Variants in STXBP6 observed in about 807,000 individuals in gnomAD.
STXBP6 encodes syntaxin binding protein 6, also known as syntaxin-binding protein 6.
STXBP6 carries 21 observed loss-of-function variants against 26.9 expected under a neutral mutation model. The ratio of observed to expected loss-of-function variants is 0.78; its 90% CI spans 0.55 to 1.12. The LOEUF (loss-of-function observed/expected upper bound fraction) is 1.12. Among genes scored for constraint, STXBP6 ranks in the 50% most tolerant of loss-of-function variants. STXBP6 has a pLI of 0.00. For synonymous variants in STXBP6, 97 were observed against 92.6 expected (o/e 1.05, Z -0.27); for missense variants, 232 against 257.9 (o/e 0.90, Z 0.69).
intron 1 of STXBP6, among the ~76,000 whole-genome samples, chr14:25,021,167 G>C (rs2075255852): frequency 6.6e-6 from 1 of 152,080 alleles, no homozygotes; most frequent in African/African-American, 2.4e-5. Flanking sequence ...CCCACCATCA[G>C]ACTAATTTAC....
intron 1 of STXBP6, among the ~76,000 whole-genome samples, chr14:25,038,971 A>G (rs1386162929): frequency 6.6e-6 from 1 of 152,216 alleles, no homozygotes; most frequent in East Asian, 1.9e-4. Flanking sequence ...TAGTTGACAT[A>G]GTGTATTCTA....
At chr14:24,858,041 A>C (rs1566417382) in intron 2 of STXBP6, among the ~76,000 whole-genome samples, 1 of 152,194 alleles carries the variant, frequency 6.6e-6, no homozygotes, top group East Asian at 1.9e-4. Context: ...TACAGAAAGT[A>C]GAAATCATTA....
intron 1 of STXBP6, among the ~76,000 whole-genome samples, chr14:24,985,975 G>A (rs565966308): frequency 1.0e-3 from 157 of 152,224 alleles, no homozygotes; most frequent in African/African-American, 3.6e-3. Flanking sequence ...TATTGCTCTC[G>A]ACTTTTTTAA....
chr14:25,019,999 T>C (rs1480305853), intron 1 of STXBP6, among the ~76,000 whole-genome samples: 3 of 151,730 alleles, frequency 2.0e-5, no homozygotes, highest in South Asian at 2.1e-4. Context: ...ATATAAACTA[T>C]AGACTGATGG....
chr14:24,998,640 T>G (rs2074670172), intron 1 of STXBP6, among the ~76,000 whole-genome samples: 1 of 152,170 alleles, frequency 6.6e-6, no homozygotes, highest in Non-Finnish European at 1.5e-5. Flanking sequence ...CTGTTAGAAC[T>G]CATAAATTTG....
At chr14:24,850,021 A>AC (rs1204387592) in intron 4 of STXBP6, among the ~76,000 whole-genome samples, 8 of 152,058 alleles carry the variant, frequency 5.3e-5, no homozygotes. Flanking sequence ...CAGAAGGAAA[A>AC]ATAACATAAA....
At chr14:25,021,377 T>A (rs1484180151) in intron 1 of STXBP6, among the ~76,000 whole-genome samples, 1 of 152,220 alleles carries the variant, frequency 6.6e-6, no homozygotes, top group African/African-American at 2.4e-5. Flanking sequence ...CACTTCAGCA[T>A]ACTCAAGTCC....
intron 2 of STXBP6, among the ~76,000 whole-genome samples, chr14:24,937,122 C>T (rs952304926): frequency 1.3e-5 from 2 of 152,190 alleles, no homozygotes; most frequent in South Asian, 2.1e-4. Context: ...GGGAACATCA[C>T]ACACCAGGGC....
intron 1 of STXBP6, among the ~76,000 whole-genome samples, chr14:24,996,024 T>C (rs1359618016): frequency 1.3e-5 from 2 of 152,208 alleles, no homozygotes; most frequent in African/African-American, 2.4e-5. Context: ...AGATTTACTA[T>C]ATAAATTGTA....
chr14:24,928,783 T>A (rs1350064970), intron 2 of STXBP6, among the ~76,000 whole-genome samples: 1 of 152,132 alleles, frequency 6.6e-6, no homozygotes. Flanking sequence ...CTTGAGACCA[T>A]GCACCCTCAG....
chr14:24,902,925 AG>A (rs2071263908), intron 2 of STXBP6, among the ~76,000 whole-genome samples: 1 of 152,174 alleles, frequency 6.6e-6, no homozygotes, highest in African/African-American at 2.4e-5. Context: ...GGTGATCCAT[AG>A]AATTTTACCA....
intron 5 of STXBP6, 60 bp downstream of exon 5, chr14:24,818,977 C>A (rs2068060903): frequency 2.0e-6 from 3 of 1,500,326 alleles, no homozygotes; most frequent in Non-Finnish European, 2.7e-6. Context: ...AATAAAGTTT[C>A]TTGGCACTGT....
At chr14:25,033,149 G>A (rs571951285) in intron 1 of STXBP6, among the ~76,000 whole-genome samples, 5 of 152,282 alleles carry the variant, frequency 3.3e-5, no homozygotes, top group African/African-American at 7.2e-5. Context: ...GAGGCATGAC[G>A]GTCCATGCAA....
At chr14:24,940,770 C>T (rs1208361163) in intron 2 of STXBP6, among the ~76,000 whole-genome samples, 1 of 152,192 alleles carries the variant, frequency 6.6e-6, no homozygotes, top group Non-Finnish European at 1.5e-5. Context: ...AATCCCAGCA[C>T]TTTGGGAGCC....
chr14:24,903,636 T>C (rs890359541), intron 2 of STXBP6, among the ~76,000 whole-genome samples: 7 of 152,186 alleles, frequency 4.6e-5, no homozygotes, highest in African/African-American at 1.7e-4. Flanking sequence ...AAGTGACATT[T>C]TGCCATTGTC....
chr14:24,968,693 A>G (rs1346191478), intron 2 of STXBP6, among the ~76,000 whole-genome samples: 1 of 152,216 alleles, frequency 6.6e-6, no homozygotes, highest in Non-Finnish European at 1.5e-5. Flanking sequence ...TCAGAACCCA[A>G]ATAAACCTGA....
chr14:24,938,070 C>T (rs1375752356), intron 2 of STXBP6, among the ~76,000 whole-genome samples: 2 of 152,200 alleles, frequency 1.3e-5, no homozygotes, highest in Non-Finnish European at 2.9e-5. Context: ...TTGATGCACA[C>T]ATTGTACAAG....
At chr14:24,820,872 C>T (rs1020499761) in intron 4 of STXBP6, among the ~76,000 whole-genome samples, 6 of 152,140 alleles carry the variant, frequency 3.9e-5, no homozygotes, top group African/African-American at 1.4e-4. Flanking sequence ...TATTCTCTAC[C>T]TTGTTCTTTG....
At chr14:24,965,177 C>A (rs185841079) in intron 2 of STXBP6, among the ~76,000 whole-genome samples, 6,736 of 151,884 alleles carry the variant, frequency 0.044, 277 homozygotes, top group East Asian at 0.21. Flanking sequence ...AGGAGTGGGA[C>A]ACAGACTGGA....
Sources: allele counts gnomAD v4.1 joint callset (sites outside exome capture counted in the v4.1 genomes callset), GRCh38; gene constraint gnomAD v4.1.1; transcripts MANE v1.5; gene names NCBI Gene and HGNC (gene_info 2026-07-23, HGNC 2026-07-21).